ZNF728: variants seen among roughly 807,000 people sequenced by gnomAD.
ZNF728 encodes the protein zinc finger protein 728.
Under a neutral mutation model 12.5 loss-of-function variants are expected in ZNF728, and 12 were observed. The observed-to-expected ratio is 0.96, with a 90% confidence interval of 0.61 to 1.55. ZNF728 has a LOEUF of 1.55. ZNF728 is among the 40% of genes most tolerant of loss of function. ZNF728 has a pLI of 0.00. For synonymous variants in ZNF728, 205 were observed against 240.7 expected (o/e 0.85, Z 1.37); for missense variants, 692 against 719.2 (o/e 0.96, Z 0.43).
chr19:22,979,365 TG>T (rs895283724), intron 3 of ZNF728, among the ~76,000 whole-genome samples: 9 of 151,788 alleles, frequency 5.9e-5, no homozygotes, highest in African/African-American at 2.2e-4. Flanking sequence ...TGGGACTATG[TG>T]AAAAGACCAA....
chr19:23,001,615 T>C (rs1276888414), intron 1 of ZNF728, among the ~76,000 whole-genome samples: 1 of 152,180 alleles, frequency 6.6e-6, no homozygotes, highest in African/African-American at 2.4e-5. Context: ...CCCTATAAAG[T>C]TTCCAAAGGG....
In ZNF728 at chr19:23,000,165, G is replaced by A. The variant is rs150340757; in HGVS notation, c.3+2863C>T. ...AGGTGGATCATGAGGTCAGGAGATC[G>A]AGACCACCCTGGCTAACATGGCTAA... On this transcript the variant is annotated intron_variant, in intron 1 of 3. Coordinates refer to ENST00000594710, the MANE Select transcript of ZNF728 (RefSeq NM_001267716.2). Among the ~76,000 whole-genome samples, 711 of 151,892 alleles carry A rather than the reference G, an allele frequency of 4.7e-3. 6 individuals are homozygous for A. Among genetic ancestry groups the A allele is most frequent in the African/African-American group, 0.016 (660 of 41,442 alleles).
chr19:22,988,286 T>G, intron 2 of ZNF728, 39 bp downstream of exon 2: 9 of 1,613,632 alleles, frequency 5.6e-6, no homozygotes, highest in Non-Finnish European at 6.8e-6. Flanking sequence ...ATGAAACCTA[T>G]AGTGTATACT....
intron 3 of ZNF728, among the ~76,000 whole-genome samples, chr19:22,983,005 C>T (rs1331443596): frequency 1.3e-5 from 2 of 152,246 alleles, no homozygotes; most frequent in East Asian, 3.9e-4. Context: ...GCCAAATTGA[C>T]AAACGGGACC....
intron 1 of ZNF728, among the ~76,000 whole-genome samples, chr19:22,991,808 A>G (rs971316415): frequency 1.3e-5 from 2 of 152,192 alleles, no homozygotes; most frequent in Non-Finnish European, 2.9e-5. Context: ...GGCAGAGCGT[A>G]CAGCCAATGT....
At chr19:23,000,633 G>A (rs1969098109) in intron 1 of ZNF728, among the ~76,000 whole-genome samples, 1 of 151,950 alleles carries the variant, frequency 6.6e-6, no homozygotes, top group Non-Finnish European at 1.5e-5. Context: ...GGAGGCCAAG[G>A]TGGGCAGATT....
Position 22,987,331 on chromosome 19 carries a change from T to C in ZNF728, c.203A>G (p.His68Arg), listed in dbSNP as rs773261098. Residue 68 changes from histidine to arginine, a missense_variant, in exon 3 of 4, where the codon CAT becomes CGT. By Grantham distance (29) the His-to-Arg change is conservative (BLOSUM62 0). Around this residue, in one of 3 missense-constraint regions of ZNF728, gnomAD observed 440 missense variants for 459.6 expected, o/e 0.96. Coordinates refer to ENST00000594710, the MANE Select transcript of ZNF728 (RefSeq NM_001267716.2). ...QGKEPWNMKR[H>R]ELVKEPPVIC... ...ACCTGGCGGTTCTTTCACCAGCTCA[T>C]GTCTCTTCATATTCCAGGGCTCTTT... is the stretch of plus-strand genomic sequence containing the variant. The C allele has an allele frequency of 3.1e-6, 5 of 1,612,506 alleles. No homozygotes were observed. The highest frequency in any genetic ancestry group is 1.7e-5 in the Admixed American group (1 of 59,874).
chr19:22,975,544 C>T lies in ZNF728; in HGVS notation c.1793G>A (p.Gly598Asp). 2 of 1,581,008 alleles carry T rather than the reference C, an allele frequency of 1.3e-6. No individual in the cohort carries two copies. The highest frequency in any genetic ancestry group is 2.3e-5 in the East Asian group (1 of 43,572). Residue 598 changes from glycine (G) to aspartate (D), a missense_variant, in exon 4 of 4, where the codon GGT becomes GAT. Physicochemically the swap from Gly to Asp is moderately conservative, Grantham distance 94. Around this residue, in one of 3 missense-constraint regions of ZNF728, gnomAD observed 244 missense variants for 235.2 expected, o/e 1.04. Coordinates refer to ENST00000594710, the MANE Select transcript of ZNF728 (RefSeq NM_001267716.2). ...GTGTGAGGATTGGTTGAAGTCTTTA[C>T]CACATTCTTCACATTTGTAGAATTT... The part of the protein sequence containing the change: ...GKKFYKCEEC[G>D]KDFNQSSHLT...
intron 1 of ZNF728, among the ~76,000 whole-genome samples, chr19:23,000,887 C>G (rs28776227): frequency 1.6e-5 from 2 of 125,390 alleles, no homozygotes; most frequent in Non-Finnish European, 3.3e-5. Flanking sequence ...AAAAAAAAAC[C>G]AAAAAAAAAA....
chr19:22,987,230 C>T, intron 3 of ZNF728, 78 bp downstream of exon 3: 1 of 1,285,936 alleles, frequency 7.8e-7, no homozygotes, highest in Non-Finnish European at 1.0e-6. Flanking sequence ...AACACAGCTT[C>T]CCATATCACT....
At chr19:22,998,413 T>A (rs923256418) in intron 1 of ZNF728, among the ~76,000 whole-genome samples, 2 of 151,930 alleles carry the variant, frequency 1.3e-5, no homozygotes, top group African/African-American at 2.4e-5. Flanking sequence ...GACTTTAGTC[T>A]TAGCTACTTG....
intron 3 of ZNF728, among the ~76,000 whole-genome samples, chr19:22,982,884 G>C (rs1165041556): frequency 6.6e-6 from 1 of 152,092 alleles, no homozygotes; most frequent in Non-Finnish European, 1.5e-5. Context: ...AGACTTAAAT[G>C]TAACACCCCA....
chr19:22,987,856 C>T (rs113915166), intron 2 of ZNF728, among the ~76,000 whole-genome samples: 4 of 152,070 alleles, frequency 2.6e-5, no homozygotes, highest in Non-Finnish European at 4.4e-5. Flanking sequence ...TGTTGGGAGC[C>T]GAAAGGCTGA....
intron 1 of ZNF728, among the ~76,000 whole-genome samples, chr19:23,001,122 T>A (rs912619617): frequency 3.3e-5 from 5 of 152,060 alleles, no homozygotes; most frequent in African/African-American, 9.7e-5. Flanking sequence ...CTCACTGGGG[T>A]CAGTTGTTTT....
At chr19:23,002,361 GA>G (rs1240631413) in intron 1 of ZNF728, among the ~76,000 whole-genome samples, 1 of 151,890 alleles carries the variant, frequency 6.6e-6, no homozygotes, top group Admixed American at 6.5e-5. Context: ...TATATTGGGG[GA>G]AAAAATTCAG....
intron 3 of ZNF728, among the ~76,000 whole-genome samples, chr19:22,977,757 C>T (rs1246621240): frequency 5.3e-5 from 8 of 152,176 alleles, no homozygotes. Context: ...GAGAGACCCA[C>T]ATAATCTCTA....
At chr19:22,987,521 T>A in intron 2 of ZNF728, 118 bp from the exon 3 acceptor site, 1 of 981,256 alleles carries the variant, frequency 1.0e-6, no homozygotes, top group Non-Finnish European at 1.4e-6. Flanking sequence ...CCCAAAATAC[T>A]AAATTACAAC....
intron 1 of ZNF728, among the ~76,000 whole-genome samples, chr19:22,991,982 T>C (rs1042662913): frequency 6.6e-6 from 1 of 152,216 alleles, no homozygotes; most frequent in Admixed American, 6.5e-5. Flanking sequence ...CCCTTAAGGT[T>C]TTCTAGAATA....
intron 3 of ZNF728, among the ~76,000 whole-genome samples, chr19:22,982,111 G>A (rs1012212876): frequency 6.6e-6 from 1 of 151,836 alleles, no homozygotes; most frequent in African/African-American, 2.4e-5. Flanking sequence ...CAGATGACAT[G>A]ATTTAGAAAA....
Sources: gnomAD v4.1 joint callset for allele counts (sites outside exome capture counted in the v4.1 genomes callset) on GRCh38, gnomAD v4.1.1 for gene constraint, gnomAD v4.1.1 regional missense constraint, MANE v1.5 for transcripts, NCBI Gene and HGNC (gene_info 2026-07-23, HGNC 2026-07-21) for gene names.